Variants in DRC3 observed in about 807,000 individuals in gnomAD.
The protein encoded by DRC3 is leucine rich repeat containing 48.
In DRC3, 45 loss-of-function variants were observed where a neutral mutation model predicts 57.6. The observed-to-expected ratio is 0.78, with a 90% CI of 0.62 to 1.00. The LOEUF (loss-of-function observed/expected upper bound fraction) is 1.00. Ranked by LOEUF, DRC3 falls within the 50% of genes least tolerant of loss-of-function variation. The pLI, the probability that DRC3 is intolerant of heterozygous loss-of-function variation, is 0.00. For missense variants in DRC3, 655 were observed against 675.2 expected (o/e 0.97, Z 0.33); for synonymous variants, 257 against 272.3 (o/e 0.94, Z 0.55).
Position 17,988,070 on chromosome 17 carries a change from G to A in DRC3, c.416G>A (p.Gly139Asp), listed in dbSNP as rs781422305. 78 of 1,613,712 alleles carry A rather than the reference G, an allele frequency of 4.8e-5. No homozygotes were observed. Among genetic ancestry groups the A allele is most frequent in the Non-Finnish European group, 4.2e-6 (5 of 1,179,874 alleles). The stretch of plus-strand genomic sequence containing the variant: ...GTCAAGCTGCAGGTGTTGTCGCTGG[G>A]CAACAACCGGATTGACAACATGATG... ...ALVKLQVLSL[G>D]NNRIDNMMNI... Residue 139 changes from glycine to aspartate, a missense_variant, in exon 5 of 14, where the codon GGC (glycine) becomes GAC (aspartate). Physicochemically the swap from Gly to Asp is moderately conservative, Grantham distance 94 (BLOSUM62 -1). Transcript: ENST00000399187.
intron 9 of DRC3, 80 bp downstream of exon 9, chr17:17,997,714 A>G (rs2145363882): frequency 7.6e-7 from 1 of 1,315,974 alleles, no homozygotes; most frequent in Non-Finnish European, 1.0e-6. Flanking sequence ...CTGTAGGGGG[A>G]CTGCAACTCC....
intron 12 of DRC3, chr17:18,015,055 G>A (rs980479045): frequency 1.3e-5 from 2 of 152,192 alleles, no homozygotes; most frequent in African/African-American, 4.8e-5. Flanking sequence ...GGAAAACCAA[G>A]AGAGACAAAG....
At chr17:18,015,278 C>G (rs2044316254) in intron 12 of DRC3, 1 of 152,172 alleles carries the variant, frequency 6.6e-6, no homozygotes, top group African/African-American at 2.4e-5. Context: ...ACAAAAAATG[C>G]ACACTCCACT....
At chr17:18,007,283 G>A in intron 12 of DRC3, 136 bp downstream of exon 12, 2 of 1,132,350 alleles carry the variant, frequency 1.8e-6, no homozygotes, top group Non-Finnish European at 2.6e-6. Flanking sequence ...ACACTAACCT[G>A]CTTTACAGGG....
intron 9 of DRC3, among the ~76,000 whole-genome samples, chr17:17,998,429 G>T (rs1044380498): frequency 6.6e-6 from 1 of 152,220 alleles, no homozygotes; most frequent in African/African-American, 2.4e-5. Context: ...TACTTTTAAA[G>T]ACAGGATGCT....
At chr17:17,980,135 A>G (rs118129367) in intron 3 of DRC3, among the ~76,000 whole-genome samples, 1,576 of 152,290 alleles carry the variant, frequency 0.01, 15 homozygotes, top group Non-Finnish European at 0.015. Context: ...AACTTTGTGC[A>G]GGGAGGGGAG....
At chr17:17,972,838 C>A (rs376511664), upstream of DRC3, 11 of 153,458 alleles carry the variant, frequency 7.2e-5, no homozygotes, top group South Asian at 1.9e-3. Flanking sequence ...GAGATGTGGT[C>A]ACGTGACTTG....
In DRC3 at chr17:17,993,124, G is replaced by A. The variant is rs57436928; in HGVS notation, c.591+213G>A. 4.1e-3 allele frequency: 2,223 copies of A among 544,974 alleles called. 46 individuals carry two copies. Among genetic ancestry groups the A allele is most frequent in the African/African-American group, 0.039 (2,036 of 52,662 alleles). The allele number at this position is 544,974 out of a possible 1,614,324, so 33.8% of individuals were successfully genotyped here. ...GTTTTGTGTGCGTTCCCAGGGGCCAGGCCTCTTCCACACACTGTCCCAGGG... is the reference window on the plus strand; with the variant it reads ...GTTTTGTGTGCGTTCCCAGGGGCCAAGCCTCTTCCACACACTGTCCCAGGG... On this transcript the variant is annotated intron_variant, in intron 6 of 13. Transcript: ENST00000399187.
At chr17:17,984,263 G>T (rs1391621697) in intron 4 of DRC3, among the ~76,000 whole-genome samples, 1 of 152,174 alleles carries the variant, frequency 6.6e-6, no homozygotes, top group African/African-American at 2.4e-5. Context: ...GACTCAGGCT[G>T]ACAGATAACC....
chr17:17,980,632 G>A (rs1449191554), intron 3 of DRC3, among the ~76,000 whole-genome samples: 1 of 130,050 alleles, frequency 7.7e-6, no homozygotes, highest in Non-Finnish European at 1.5e-5. Flanking sequence ...GTCTCACTCT[G>A]TCGCCAGGCT....
chr17:17,996,542 C>T (rs1341056279), intron 8 of DRC3, among the ~76,000 whole-genome samples: 1 of 152,296 alleles, frequency 6.6e-6, no homozygotes. Context: ...TACCCCCCAC[C>T]GGGTTCCTCC....
intron 3 of DRC3, among the ~76,000 whole-genome samples, chr17:17,979,408 A>C (rs1298353197): frequency 4.0e-5 from 6 of 151,784 alleles, no homozygotes; most frequent in Non-Finnish European, 7.4e-5. Flanking sequence ...CGTGGAGGCC[A>C]GGGGCCGAGG....
In DRC3 at chr17:17,988,070, G is replaced by T. The variant is rs781422305; in HGVS notation, c.416G>T (p.Gly139Val). The change falls in exon 5 of 14, where the codon GGC becomes GTC. Residue 139 changes from glycine (G) to valine (V), a missense_variant. Coordinates refer to ENST00000399187, the MANE Select transcript of DRC3 (RefSeq NM_031294.4). ...ALVKLQVLSL[G>V]NNRIDNMMNI... ...GTCAAGCTGCAGGTGTTGTCGCTGG[G>T]CAACAACCGGATTGACAACATGATG... 22 of 1,613,830 alleles carry T rather than the reference G, an allele frequency of 1.4e-5. No individual in the cohort carries two copies. In the East Asian group the frequency reaches 4.2e-4, roughly 31 times the overall value.
intron 7 of DRC3, 134 bp from the exon 8 acceptor site, chr17:17,994,865 C>A: frequency 1.5e-6 from 1 of 653,620 alleles, no homozygotes; most frequent in Non-Finnish European, 2.8e-6. Flanking sequence ...AGTTTTATGC[C>A]TCTGCACCTC....
chr17:17,997,361 C>T lies in DRC3; in HGVS notation c.825-99C>T, dbSNP rs184146931. ...AGTTTGAGTCTCACACACTGTTGAG[C>T]GCACAGTCTGTGCACTGTGCCAGGG... On this transcript the variant is annotated intron_variant, in intron 8 of 13. Transcript: ENST00000399187. 1.5e-4 allele frequency: 156 copies of T among 1,064,026 alleles called. No individual in the cohort carries two copies. In the East Asian group the frequency reaches 3.6e-3, roughly 24 times the overall value. 65.9% of individuals were successfully genotyped at this position (1,064,026 alleles called of 1,614,324 possible).
chr17:17,972,831 A>C (rs533098012), upstream of DRC3: 1 of 153,496 alleles, frequency 6.5e-6, no homozygotes, highest in Non-Finnish European at 1.5e-5. Flanking sequence ...CCACACGGAG[A>C]TGTGGTCACG....
intron 3 of DRC3, among the ~76,000 whole-genome samples, chr17:17,980,148 A>AG (rs1474489607): frequency 1.3e-5 from 2 of 152,134 alleles, no homozygotes; most frequent in African/African-American, 4.8e-5. Context: ...GAGGGGAGCT[A>AG]GGAGGGGTTC....
chr17:17,976,950 A>C lies in DRC3; in HGVS notation c.-17-632A>C, dbSNP rs540972090. On this transcript the variant is annotated intron_variant, in intron 2 of 13. Transcript: ENST00000399187. ...TTAACTATGTACCCAGCCAGCCCAC[A>C]CTCCCTATTCCTCCCCAGCTCAAGC... is the stretch of plus-strand genomic sequence containing the variant. Among the ~76,000 whole-genome samples the C allele has an allele frequency of 6.6e-5, 10 of 151,666 alleles. No individual in the cohort carries two copies. The East Asian group carries it at 1.6e-3, about 24-fold the overall frequency.
At chr17:17,979,299 C>T (rs972362889) in intron 3 of DRC3, among the ~76,000 whole-genome samples, 2 of 152,154 alleles carry the variant, frequency 1.3e-5, no homozygotes, top group African/African-American at 2.4e-5. Flanking sequence ...TTGGCTCTTA[C>T]AGTGAGTGAA....
Sources: gnomAD v4.1 joint callset for allele counts (sites outside exome capture counted in the v4.1 genomes callset) on GRCh38, gnomAD v4.1.1 for gene constraint, MANE v1.5 for transcripts, NCBI Gene and HGNC (gene_info 2026-07-23, HGNC 2026-07-21) for gene names.